Variants in TRPM3 observed in about 807,000 individuals in gnomAD.
TRPM3 encodes transient receptor potential cation channel subfamily M member 3.
Under a neutral mutation model 181.2 loss-of-function variants are expected in TRPM3, and 77 were observed. That is an observed-to-expected ratio of 0.42 (90% CI 0.35 to 0.51). TRPM3 has a LOEUF of 0.51. Ranked by LOEUF, TRPM3 falls within the 20% of genes least tolerant of loss-of-function variation. The probability of loss-of-function intolerance (pLI) is 0.01; values close to 1 mark genes in which losing one functional copy is unlikely to be tolerated. For synonymous variants in TRPM3, 745 were observed against 796.4 expected, an observed-to-expected ratio of 0.94 and a Z score of 1.09; for missense variants, 1,759 against 2,196.7, an observed-to-expected ratio of 0.80 and a Z score of 3.98.
At chr9:70,911,122 C>T (rs1352717041) in intron 1 of TRPM3, among the ~76,000 whole-genome samples, 3 of 152,160 alleles carry the variant, frequency 2.0e-5, no homozygotes, top group Non-Finnish European at 4.4e-5. Context: ...AGAAAATCTT[C>T]AAGAAGAAAT....
intron 6 of TRPM3, among the ~76,000 whole-genome samples, chr9:70,786,629 C>T (rs1229084098): frequency 6.6e-6 from 1 of 152,160 alleles, no homozygotes; most frequent in African/African-American, 2.4e-5. Context: ...AAAAAGGTAG[C>T]CTATTTTCCA....
intron 1 of TRPM3, chr9:70,868,909 T>A (rs1170271219): frequency 1.2e-6 from 1 of 830,844 alleles, no homozygotes; most frequent in African/African-American, 1.8e-5. Flanking sequence ...TCGGTGTTGA[T>A]CTTTGGTCTT....
chr9:71,294,731 A>G (rs921853097), intron 1 of TRPM3, among the ~76,000 whole-genome samples: 1 of 152,174 alleles, frequency 6.6e-6, no homozygotes, highest in Non-Finnish European at 1.5e-5. Flanking sequence ...CTAAGCTCAG[A>G]TATTCATCAA....
chr9:71,285,599 C>A (rs2085216106), intron 1 of TRPM3, among the ~76,000 whole-genome samples: 1 of 152,148 alleles, frequency 6.6e-6, no homozygotes, highest in Non-Finnish European at 1.5e-5. Context: ...GAATAAAAGG[C>A]CATTTCATCT....
At chr9:71,221,462 A>G (rs2080235536) in intron 1 of TRPM3, among the ~76,000 whole-genome samples, 1 of 152,238 alleles carries the variant, frequency 6.6e-6, no homozygotes, top group South Asian at 2.1e-4. Context: ...AAGCATTAAA[A>G]GTTACTATTG....
At chr9:70,793,580 A>G (rs754414978) in intron 6 of TRPM3, 17 of 469,970 alleles carry the variant, frequency 3.6e-5, no homozygotes, top group South Asian at 2.6e-4. Flanking sequence ...TGTACTTTGC[A>G]TGAGATTATC....
chr9:71,150,320 TAAG>T (rs1170471400), intron 1 of TRPM3, among the ~76,000 whole-genome samples: 1 of 152,118 alleles, frequency 6.6e-6, no homozygotes, highest in Non-Finnish European at 1.5e-5. Context: ...TGAAAATCTG[TAAG>T]AAATTTATTG....
intron 1 of TRPM3, among the ~76,000 whole-genome samples, chr9:71,312,062 A>T (rs2088002331): frequency 6.6e-6 from 1 of 152,144 alleles, no homozygotes; most frequent in Admixed American, 6.6e-5. Context: ...GAAGTAATCT[A>T]TAGGCTGGGA....
intron 12 of TRPM3, among the ~76,000 whole-genome samples, chr9:70,630,724 A>G (rs2065675928): frequency 6.6e-6 from 1 of 152,208 alleles, no homozygotes; most frequent in African/African-American, 2.4e-5. Context: ...TTCATGCCTT[A>G]ACAGTGGGAG....
At chr9:71,214,903 C>A (rs1231044965) in intron 1 of TRPM3, among the ~76,000 whole-genome samples, 2 of 152,018 alleles carry the variant, frequency 1.3e-5, no homozygotes, top group Non-Finnish European at 2.9e-5. Context: ...TTCCCTGAGT[C>A]CTTACACTTT....
chr9:71,339,470 A>C (rs1398331117), intron 1 of TRPM3, among the ~76,000 whole-genome samples: 7 of 152,162 alleles, frequency 4.6e-5, no homozygotes. Context: ...ATACTAGTGC[A>C]TGAATTGACA....
intron 1 of TRPM3, among the ~76,000 whole-genome samples, chr9:71,025,620 G>A (rs746429940): frequency 8.5e-5 from 13 of 152,304 alleles, no homozygotes; most frequent in East Asian, 3.9e-4. Context: ...AATATGTAGC[G>A]CGCAGAAACA....
intron 12 of TRPM3, among the ~76,000 whole-genome samples, chr9:70,631,284 C>T (rs2065797848): frequency 6.6e-6 from 1 of 151,800 alleles, no homozygotes; most frequent in South Asian, 2.1e-4. Flanking sequence ...TATAATAATG[C>T]TTTTGCAAAT....
At chr9:70,771,022 C>T (rs183335543) in intron 7 of TRPM3, among the ~76,000 whole-genome samples, 5 of 152,252 alleles carry the variant, frequency 3.3e-5, no homozygotes, top group Admixed American at 6.5e-5. Context: ...GGTATCAGTG[C>T]GGACAGCTCA....
chr9:71,123,749 G>C (rs565869968), upstream of TRPM3, among the ~76,000 whole-genome samples: 1 of 152,288 alleles, frequency 6.6e-6, no homozygotes, highest in Non-Finnish European at 1.5e-5. Context: ...ATCCAGTTGC[G>C]AGATGCTGCC....
In TRPM3 at chr9:70,619,088, C is replaced by T; in HGVS notation, c.2137G>A (p.Gly713Ser). The T allele has an allele frequency of 6.2e-7, 1 of 1,612,600 alleles. No individual in the cohort carries two copies. The highest frequency in any genetic ancestry group is 8.5e-7 in the Non-Finnish European group (1 of 1,179,340). Residue 713 changes from glycine (G) to serine (S), a missense_variant, in exon 17 of 26, where the codon GGC becomes AGC. By Grantham distance (56) the Gly-to-Ser change is moderately conservative (BLOSUM62 0). Around this residue, in one of 8 missense-constraint regions of TRPM3, gnomAD observed 737 missense variants for 957.4 expected, o/e 0.77. Coordinates refer to ENST00000677713, the MANE Select transcript of TRPM3 (RefSeq NM_001366145.2). ...TCCAGGAGCTCCACAGCCAGCTGGC[C>T]AAAGTCTCTGAAAGACAGAATGGGT... ...QELNHNSRDF[G>S]QLAVELLDQS... is the part of the protein sequence containing the mutation.
At chr9:71,276,332 A>C (rs1218939955) in intron 1 of TRPM3, among the ~76,000 whole-genome samples, 1 of 152,224 alleles carries the variant, frequency 6.6e-6, no homozygotes, top group Non-Finnish European at 1.5e-5. Flanking sequence ...TTTAAGGCAC[A>C]AAATGGGTAG....
chr9:71,289,302 T>A (rs1218039708), intron 1 of TRPM3, among the ~76,000 whole-genome samples: 1 of 151,832 alleles, frequency 6.6e-6, no homozygotes, highest in Non-Finnish European at 1.5e-5. Context: ...AAAGAAACCA[T>A]CAAAAATTGA....
At chr9:71,367,375 G>A (rs987394047) in intron 1 of TRPM3, among the ~76,000 whole-genome samples, 2 of 152,166 alleles carry the variant, frequency 1.3e-5, no homozygotes, top group African/African-American at 4.8e-5. Flanking sequence ...ATCTTCAGGA[G>A]AGCTCAATGA....
Sources: allele counts gnomAD v4.1 joint callset (sites outside exome capture counted in the v4.1 genomes callset), GRCh38; gene constraint gnomAD v4.1.1; regional missense constraint gnomAD v4.1.1; transcripts MANE v1.5; gene names NCBI Gene and HGNC (gene_info 2026-07-23, HGNC 2026-07-21).